BCAR3: variants seen among roughly 807,000 people sequenced by gnomAD.
The protein encoded by BCAR3 is breast cancer anti-estrogen resistance protein 3.
A neutral mutation model predicts 80.1 loss-of-function variants in BCAR3; 37 were observed. The observed-to-expected ratio is 0.46, with a 90% CI of 0.36 to 0.61. BCAR3 has a LOEUF of 0.61. BCAR3 is among the 20% of genes least tolerant of loss of function. The pLI is 0.00. For synonymous variants in BCAR3, 389 were observed against 418.9 expected, an observed-to-expected ratio of 0.93 and a Z score of 0.87; for missense variants, 978 against 1,068.2, an observed-to-expected ratio of 0.92 and a Z score of 1.18.
At position 93,736,709 on chromosome 1, in the gene BCAR3, G is replaced by C. The variant is rs111694945; in HGVS notation, c.-62-30567C>G. 9.3e-4 allele frequency among the ~76,000 whole-genome samples: 141 copies of C among 152,250 alleles called. 3 individuals are homozygous for C. Among genetic ancestry groups the C allele is most frequent in the African/African-American group, 3.2e-3 (134 of 41,548 alleles). On this transcript the variant is annotated intron_variant, in intron 2 of 13. Coordinates refer to the BCAR3 transcript ENST00000370244. The stretch of plus-strand genomic sequence containing the variant: ...CCAGGAAGATTTTACAGAGATGATG[G>C]CCTCGTCACTGGATTTTGAAGGATA...
At chr1:93,740,846 T>C (rs1444552479) in intron 2 of BCAR3, among the ~76,000 whole-genome samples, 3 of 152,172 alleles carry the variant, frequency 2.0e-5, no homozygotes, top group African/African-American at 7.2e-5. Context: ...GCGGGCTTTT[T>C]GTTTATTTCT....
chr1:93,741,674 T>C (rs1454672445), intron 2 of BCAR3, among the ~76,000 whole-genome samples: 1 of 152,156 alleles, frequency 6.6e-6, no homozygotes, highest in East Asian at 1.9e-4. Flanking sequence ...CTTCAAGTGA[T>C]TCTCCTGCCT....
At chr1:93,786,128 G>A (rs1428939683) in intron 2 of BCAR3, among the ~76,000 whole-genome samples, 1 of 110,964 alleles carries the variant, frequency 9.0e-6, no homozygotes, top group Non-Finnish European at 1.7e-5. Context: ...GGGAGGCGGA[G>A]CTTGCAGTGA....
chr1:93,771,077 TA>T lies in BCAR3; in HGVS notation c.-62-64936del, dbSNP rs555528564. On this transcript the variant is annotated intron_variant, in intron 2 of 13. Transcript: ENST00000370244. ...AGTACTAATAATACTAGCTAATGTT[TA>T]TTAAGCATTTACTATACCCATGTAC... 2.2e-3 allele frequency among the ~76,000 whole-genome samples: 340 copies of T among 152,340 alleles called. 3 individuals carry two copies. Among genetic ancestry groups the T allele is most frequent in the Non-Finnish European group, 2.1e-3 (145 of 68,038 alleles).
At chr1:93,692,572 T>C (rs1055568151) in intron 3 of BCAR3, among the ~76,000 whole-genome samples, 1 of 152,204 alleles carries the variant, frequency 6.6e-6, no homozygotes, top group Admixed American at 6.5e-5. Context: ...TTCAGCAACC[T>C]AGAGAGGTGG....
intron 2 of BCAR3, among the ~76,000 whole-genome samples, chr1:93,816,936 CA>C (rs762650638): frequency 8.5e-5 from 13 of 152,122 alleles, no homozygotes; most frequent in Non-Finnish European, 1.9e-4. Context: ...AAACTGCCTT[CA>C]GGGGCAGGCA....
chr1:93,644,565 G>A (rs902802429), intron 2 of BCAR3, among the ~76,000 whole-genome samples: 4 of 152,142 alleles, frequency 2.6e-5, no homozygotes, highest in African/African-American at 9.7e-5. Context: ...AACCACCAGG[G>A]GCACATTCTT....
At chr1:93,578,625 T>C (rs1319607567) in intron 7 of BCAR3, among the ~76,000 whole-genome samples, 5 of 152,162 alleles carry the variant, frequency 3.3e-5, no homozygotes, top group Non-Finnish European at 7.4e-5. Flanking sequence ...CCCAACTCCC[T>C]GTTCAAGGCC....
chr1:93,771,946 C>G (rs72965496), intron 2 of BCAR3, among the ~76,000 whole-genome samples: 4,705 of 152,310 alleles, frequency 0.031, 271 homozygotes, highest in African/African-American at 0.11. Flanking sequence ...TTTGTGCCCT[C>G]TGCTGTGGCC....
chr1:93,847,096 C>T (rs1355384295), exon 1 of BCAR3: 1 of 241,264 alleles, frequency 4.1e-6, no homozygotes, highest in Non-Finnish European at 8.7e-6. Context: ...GGAGGCCGCT[C>T]GGCCTCGGCC....
At position 93,664,410 on chromosome 1, in the gene BCAR3, C is replaced by T. The variant is rs572953782; in HGVS notation, c.317+10204G>A. Among the ~76,000 whole-genome samples, 10 of 152,300 alleles carry T rather than the reference C, an allele frequency of 6.6e-5. No individual in the cohort carries two copies. In the East Asian group the frequency reaches 1.2e-3, roughly 18 times the overall value. On this transcript the variant is annotated intron_variant, in intron 2 of 11. Transcript: ENST00000260502. The stretch of plus-strand genomic sequence containing the variant: ...CTGGGATTACAGGCGTGAGCCACCG[C>T]GCCTGGCCCAGTTCCTACTTTTCTA...
Position 93,645,348 on chromosome 1 carries a change from T to C in BCAR3, c.318-3005A>G, listed in dbSNP as rs553985371. Among the ~76,000 whole-genome samples the C allele has an allele frequency of 2.0e-5, 3 of 152,236 alleles. No individual in the cohort carries two copies. In the East Asian group the frequency reaches 5.8e-4, roughly 29 times the overall value. ...ATAAGGAGAATGATCCCCTTTTGAG[T>C]ACTCTGTAGGTTTTATGGCACCTCT... is the stretch of plus-strand genomic sequence containing the variant. On this transcript the variant is annotated intron_variant, in intron 2 of 11. Transcript: ENST00000260502.
intron 3 of BCAR3, among the ~76,000 whole-genome samples, chr1:93,603,434 G>A (rs554188990): frequency 6.6e-6 from 1 of 152,338 alleles, no homozygotes; most frequent in South Asian, 2.1e-4. Context: ...GCACTCTACA[G>A]GCCAGCAGGG....
At chr1:93,619,097 C>A (rs1161077100) in intron 3 of BCAR3, among the ~76,000 whole-genome samples, 8 of 144,906 alleles carry the variant, frequency 5.5e-5, no homozygotes, top group African/African-American at 2.2e-4. Flanking sequence ...TGCCACCACG[C>A]CAATTTTTTT....
intron 3 of BCAR3, among the ~76,000 whole-genome samples, chr1:93,612,183 T>TG (rs1178178267): frequency 6.6e-6 from 1 of 151,898 alleles, no homozygotes; most frequent in Non-Finnish European, 1.5e-5. Context: ...ATCTTGAGGG[T>TG]GCAGTTGGTA....
intron 5 of BCAR3, among the ~76,000 whole-genome samples, chr1:93,588,463 G>C (rs940967465): frequency 1.3e-5 from 2 of 152,020 alleles, no homozygotes; most frequent in African/African-American, 4.8e-5. Flanking sequence ...CACCGTGTTC[G>C]CTATGCTGAG....
In BCAR3 at chr1:93,571,639, T is replaced by C. The variant is rs1352139655; in HGVS notation, c.1974+31A>G. 8.1e-6 allele frequency: 13 copies of C among 1,611,590 alleles called. No homozygotes were observed. In the Admixed American group the frequency reaches 8.3e-5, roughly 10 times the overall value. On this transcript the variant is annotated intron_variant, in intron 9 of 11. Coordinates refer to ENST00000260502, the MANE Select transcript of BCAR3 (RefSeq NM_003567.4). ...GGCATGCAGATCTCTTTACAGAACA[T>C]TAAGTACACATAAAGTAATTGGAAA...
At chr1:93,838,169 T>C (rs1271909710) in intron 2 of BCAR3, among the ~76,000 whole-genome samples, 1 of 152,208 alleles carries the variant, frequency 6.6e-6, no homozygotes, top group African/African-American at 2.4e-5. Flanking sequence ...GGGTAATTCA[T>C]AAAGAAAAGA....
chr1:93,686,410 T>C (rs1648976340), upstream of BCAR3, among the ~76,000 whole-genome samples: 1 of 151,944 alleles, frequency 6.6e-6, no homozygotes, highest in South Asian at 2.1e-4. Flanking sequence ...GTGAGCCCCA[T>C]TACAAAAAAA....
Sources: gnomAD v4.1 joint callset for allele counts (sites outside exome capture counted in the v4.1 genomes callset) on GRCh38, gnomAD v4.1.1 for gene constraint, MANE v1.5 for transcripts, NCBI Gene and HGNC (gene_info 2026-07-23, HGNC 2026-07-21) for gene names.